Variants in DCAF10 observed in about 807,000 individuals in gnomAD.
DCAF10 encodes DDB1 and CUL4 associated factor 10.
A neutral mutation model predicts 51.9 loss-of-function variants in DCAF10; 19 were observed. The observed-to-expected ratio is 0.37, with a 90% CI of 0.26 to 0.54. DCAF10 has a LOEUF of 0.54. Ranked by LOEUF, DCAF10 falls within the 20% of genes least tolerant of loss-of-function variation. The probability of loss-of-function intolerance (pLI) is 0.87; values close to 1 mark genes in which losing one functional copy is unlikely to be tolerated. For synonymous variants in DCAF10, 291 were observed against 297.1 expected (o/e 0.98, Z 0.21); for missense variants, 510 against 730.6 (o/e 0.70, Z 3.48).
Position 37,800,958 on chromosome 9 carries a change from C to A in DCAF10, c.92C>A (p.Ala31Asp). ...ACGCCCCACGAGGGGCAGGCAGCAG[C>A]CACCGGGCCGCCCTCGCCACTACAT... is the stretch of plus-strand genomic sequence containing the variant. Reference protein sequence around the residue: ...EPTPHEGQAAATGPPSPLHPG... With the variant: ...EPTPHEGQAADTGPPSPLHPG... Residue 31 changes from alanine to aspartate, a missense_variant, in exon 1 of 7, where the codon GCC becomes GAC. Transcript: ENST00000377724. 6.6e-7 allele frequency: 1 copy of A among 1,504,588 alleles called. No homozygotes were observed. The highest frequency in any genetic ancestry group is 1.3e-5 in the South Asian group (1 of 78,786). 93.2% of individuals were successfully genotyped at this position (1,504,588 alleles called of 1,614,324 possible).
rs866055611 is a variant in DCAF10, at chr9:37,850,852, A to T, written c.852-3928A>T. On this transcript the variant is annotated intron_variant, in intron 3 of 6. Transcript: ENST00000377724. Reference sequence around the variant, plus strand: ...TATATATATATATATATATATATATATATATATATATATATATATATATAT... The same window carrying T: ...TATATATATATATATATATATATATTTATATATATATATATATATATATAT... 6.0e-4 allele frequency among the ~76,000 whole-genome samples: 60 copies of T among 100,636 alleles called. 1 individual carries two copies. The highest frequency in any genetic ancestry group is 4.4e-3 in the South Asian group (13 of 2,980). The allele number at this position is 100,636 out of a possible 152,430, so 66.0% of individuals were successfully genotyped here. A position where few individuals can be genotyped will look rare whatever the true frequency, so the allele number is the denominator to read the frequency against.
intron 1 of DCAF10, among the ~76,000 whole-genome samples, chr9:37,808,487 A>T (rs915698873): frequency 6.2e-5 from 8 of 129,238 alleles, no homozygotes; most frequent in African/African-American, 2.4e-4. Flanking sequence ...TATTTATATA[A>T]TATATAAATA....
intron 1 of DCAF10, among the ~76,000 whole-genome samples, chr9:37,818,501 A>C (rs1829612210): frequency 6.6e-6 from 1 of 152,216 alleles, no homozygotes; most frequent in South Asian, 2.1e-4. Context: ...AAATAAAATA[A>C]AATACAATAG....
Position 37,848,376 on chromosome 9 carries a change from C to T in DCAF10, c.851+6090C>T, listed in dbSNP as rs531920233. 9.2e-5 allele frequency among the ~76,000 whole-genome samples: 14 copies of T among 152,292 alleles called. No individual in the cohort carries two copies. The South Asian group carries it at 2.5e-3, about 27-fold the overall frequency. ...TGTGGTGGATGTATGCAACAGAATT[C>T]TATTTAGCAATGAAAACGAACAAAT... On this transcript the variant is annotated intron_variant, in intron 3 of 6. Coordinates refer to ENST00000377724, the MANE Select transcript of DCAF10 (RefSeq NM_024345.5).
chr9:37,800,658 G>T (rs994143995), upstream of DCAF10: 63 of 1,535,884 alleles, frequency 4.1e-5, no homozygotes, highest in Admixed American at 2.4e-4. Flanking sequence ...GTAACTACTC[G>T]CTCCCTACCT....
chr9:37,834,811 A>G (rs1318733667), intron 2 of DCAF10, among the ~76,000 whole-genome samples: 1 of 104,722 alleles, frequency 9.5e-6, no homozygotes, highest in East Asian at 2.2e-4. Flanking sequence ...TTTTTGAGAC[A>G]GGGTTTCACT....
intron 3 of DCAF10, among the ~76,000 whole-genome samples, chr9:37,851,280 T>C (rs1284882997): frequency 6.6e-6 from 1 of 151,944 alleles, no homozygotes; most frequent in Non-Finnish European, 1.5e-5. Context: ...CCTCCTGGGC[T>C]CAAGCCATCC....
Position 37,800,850 on chromosome 9 carries a change from G to A in DCAF10, c.-17G>A, listed in dbSNP as rs1828897585. 1 of 1,486,162 alleles carries A rather than the reference G, an allele frequency of 6.7e-7. No individual in the cohort carries two copies. Among genetic ancestry groups the A allele is most frequent in the Non-Finnish European group, 8.9e-7 (1 of 1,125,028 alleles). 92.1% of individuals were successfully genotyped at this position (1,486,162 alleles called of 1,614,324 possible). A position where few individuals can be genotyped will look rare whatever the true frequency, so the allele number is the denominator to read the frequency against. ...CGGCGGGGCAGTGGCCCGGAGCGGG[G>A]GGCGGGGGCGTTGATCATGTTTCCC... is the stretch of plus-strand genomic sequence containing the variant. On this transcript the variant is annotated 5_prime_UTR_variant, in exon 1 of 7. Transcript: ENST00000377724.
chr9:37,808,527 TATAA>T (rs1462261825), intron 1 of DCAF10, among the ~76,000 whole-genome samples: 2 of 101,218 alleles, frequency 2.0e-5, no homozygotes, highest in Non-Finnish European at 4.2e-5. Flanking sequence ...TAATATATTA[TATAA>T]ATATATAATA....
intron 2 of DCAF10, among the ~76,000 whole-genome samples, chr9:37,831,912 C>T (rs1365964816): frequency 6.6e-6 from 1 of 152,008 alleles, no homozygotes; most frequent in Non-Finnish European, 1.5e-5. Context: ...TGTGCCACTG[C>T]ACTCCAGCCT....
chr9:37,824,958 G>A (rs1329751422), intron 2 of DCAF10, among the ~76,000 whole-genome samples: 1 of 152,134 alleles, frequency 6.6e-6, no homozygotes, highest in African/African-American at 2.4e-5. Context: ...TAAAGAATTA[G>A]AAGTCTACAA....
chr9:37,855,248 T>C (rs1288581619), intron 4 of DCAF10, among the ~76,000 whole-genome samples: 2 of 152,230 alleles, frequency 1.3e-5, no homozygotes, highest in Non-Finnish European at 1.5e-5. Flanking sequence ...TTTAGCTTTA[T>C]GCTAGCCACA....
intron 1 of DCAF10, among the ~76,000 whole-genome samples, chr9:37,807,559 G>A (rs1419590262): frequency 1.3e-5 from 2 of 151,432 alleles, no homozygotes; most frequent in Admixed American, 1.3e-4. Flanking sequence ...TTATCACCTG[G>A]TGAGCATTTT....
intron 3 of DCAF10, among the ~76,000 whole-genome samples, chr9:37,843,826 A>G (rs1037577098): frequency 1.3e-5 from 2 of 152,226 alleles, no homozygotes; most frequent in African/African-American, 4.8e-5. Flanking sequence ...TGATAAACGT[A>G]TATGGGCTAA....
chr9:37,859,511 G>A (rs2118194238), intron 5 of DCAF10, among the ~76,000 whole-genome samples: 1 of 152,274 alleles, frequency 6.6e-6, no homozygotes, highest in Non-Finnish European at 1.5e-5. Flanking sequence ...CTTTATGTGA[G>A]GTGTCCTTTC....
At chr9:37,826,585 G>C (rs1237821948) in intron 2 of DCAF10, among the ~76,000 whole-genome samples, 1 of 152,140 alleles carries the variant, frequency 6.6e-6, no homozygotes, top group Non-Finnish European at 1.5e-5. Flanking sequence ...ATGTACGTGG[G>C]AGAGCACTGG....
chr9:37,802,932 C>T (rs1161579968), intron 1 of DCAF10, among the ~76,000 whole-genome samples: 1 of 152,206 alleles, frequency 6.6e-6, no homozygotes, highest in African/African-American at 2.4e-5. Context: ...TCCTCCCAAC[C>T]TCCTACCGAT....
At chr9:37,814,270 C>T in intron 1 of DCAF10, among the ~76,000 whole-genome samples, 1 of 144,884 alleles carries the variant, frequency 6.9e-6, no homozygotes, top group African/African-American at 2.5e-5. Context: ...TCCCAAGTAG[C>T]TGGAATTACA....
rs1410391281 is a variant in DCAF10 at position 37,862,573 on chromosome 9, C to CTGT, written c.*1067_*1069dup. The CTGT allele has an allele frequency of 6.6e-6, 1 of 152,162 alleles. No individual in the cohort carries two copies. The highest frequency in any genetic ancestry group is 2.4e-5 in the African/African-American group (1 of 41,420). 9.4% of individuals were successfully genotyped at this position (152,162 alleles called of 1,614,324 possible). On this transcript the variant is annotated 3_prime_UTR_variant, in exon 7 of 7. Transcript: ENST00000377724. ...GGGGAGAGTTGCAGTCCTCTTCAAG[C>CTGT]TGTTATCATAAGTACAGTAGTCAGC...
Sources: gnomAD v4.1 joint callset for allele counts (sites outside exome capture counted in the v4.1 genomes callset) on GRCh38, gnomAD v4.1.1 for gene constraint, MANE v1.5 for transcripts, NCBI Gene and HGNC (gene_info 2026-07-23, HGNC 2026-07-21) for gene names.